The following HHIPL1 variants were observed in gnomAD, a reference collection of about 807,000 sequenced individuals.
HHIPL1 encodes the protein HHIP like 1.
In HHIPL1, 43 loss-of-function variants were observed where a neutral mutation model predicts 61.8. The ratio of observed to expected loss-of-function variants is 0.70; its 90% CI spans 0.55 to 0.90. The LOEUF (loss-of-function observed/expected upper bound fraction) is 0.90, where lower values mean the gene tolerates loss of function less well. HHIPL1 is among the 40% of genes least tolerant of loss of function. The pLI is 0.00. For synonymous variants in HHIPL1, 482 were observed against 515.8 expected (o/e 0.93, Z 0.89); for missense variants, 1,056 against 1,157.7 (o/e 0.91, Z 1.28).
chr14:99,658,179 C>T (rs919776315), intron 3 of HHIPL1, among the ~76,000 whole-genome samples: 8 of 152,190 alleles, frequency 5.3e-5, no homozygotes, highest in Admixed American at 3.3e-4. Context: ...AGCTTTCTCA[C>T]GTTTGGGATG....
At chr14:99,614,434 C>T in the HHIPL1 span, among the ~76,000 whole-genome samples, 56 of 152,206 alleles carry the variant, frequency 3.7e-4, no homozygotes, top group Non-Finnish European at 2.9e-5. Flanking sequence ...GCCCAAGAGG[C>T]AGCTAGCTGG....
the HHIPL1 span, among the ~76,000 whole-genome samples, chr14:99,628,101 C>T: frequency 2.0e-5 from 3 of 152,078 alleles, no homozygotes; most frequent in Non-Finnish European, 2.9e-5. Flanking sequence ...GTGGGAGGAC[C>T]GAGGCCCAGA....
the HHIPL1 span, among the ~76,000 whole-genome samples, chr14:99,610,297 T>C: frequency 1.3e-5 from 2 of 152,218 alleles, no homozygotes; most frequent in African/African-American, 2.4e-5. Context: ...GAGAAGCATA[T>C]GCCTGGGAGC....
the HHIPL1 span, among the ~76,000 whole-genome samples, chr14:99,627,366 A>G: frequency 6.6e-5 from 10 of 151,748 alleles, no homozygotes; most frequent in Middle Eastern, 3.4e-3. The surrounding 1 kb of genome is among the most constrained non-coding windows in gnomAD (Gnocchi z 4.4). Flanking sequence ...CCATCCATCC[A>G]TCCGTCCATC....
In HHIPL1 at chr14:99,659,599, C is replaced by G; in HGVS notation, c.1218C>G (p.Pro406=). Reference sequence around the variant, plus strand: ...GCTGCTCCTTCGACCGTGGCGACCCCTCCTCGGGCACTGGCCGCGGGCGCC... The same window carrying G: ...GCTGCTCCTTCGACCGTGGCGACCCGTCCTCGGGCACTGGCCGCGGGCGCC... The part of the protein sequence containing the change: ...MWRCSFDRGD[P]SSGTGRGRLF... The change falls in exon 4 of 9, where the codon CCC becomes CCG. Residue 406 remains proline (P), a synonymous_variant. Transcript: ENST00000330710. 1 of 1,551,466 alleles carries G rather than the reference C, an allele frequency of 6.4e-7. No individual in the cohort carries two copies. Among genetic ancestry groups the G allele is most frequent in the Non-Finnish European group, 8.7e-7 (1 of 1,151,668 alleles).
At chr14:99,667,919 G>T (rs1364893700) in intron 6 of HHIPL1, among the ~76,000 whole-genome samples, 2 of 152,190 alleles carry the variant, frequency 1.3e-5, no homozygotes, top group Non-Finnish European at 2.9e-5. Context: ...TAGGTGACAG[G>T]GGTGGCGCTG....
chr14:99,652,938 A>G (rs2055964939), intron 2 of HHIPL1, 68 bp downstream of exon 2: 3 of 1,442,440 alleles, frequency 2.1e-6, no homozygotes, highest in South Asian at 2.6e-5. Flanking sequence ...TGACAGGACC[A>G]GTTGGTATCC....
the HHIPL1 span, among the ~76,000 whole-genome samples, chr14:99,620,184 T>C: frequency 2.0e-5 from 3 of 152,242 alleles, no homozygotes; most frequent in African/African-American, 7.2e-5. Context: ...TGGATTTTTC[T>C]CTGTGGAGGT....
At position 99,660,969 on chromosome 14, in the gene HHIPL1, C is replaced by T. The variant is rs114505767; in HGVS notation, c.1502+563C>T. Among the ~76,000 whole-genome samples, 2 of 152,146 alleles carry T rather than the reference C, an allele frequency of 1.3e-5. No homozygotes were observed. The highest frequency in any genetic ancestry group is 6.5e-5 in the Admixed American group (1 of 15,274). The stretch of plus-strand genomic sequence containing the variant: ...AGGTGGGGCTCTTGTGGCCTTGGAG[C>T]CTTGCTGCCCTGCCCCCGTGCTCTA... On this transcript the variant is annotated intron_variant, in intron 5 of 8. Coordinates refer to ENST00000330710, the MANE Select transcript of HHIPL1 (RefSeq NM_001127258.3). The surrounding 1 kb of genome is among the most constrained non-coding windows in gnomAD (Gnocchi z 4.9).
At position 99,659,618 on chromosome 14, in the gene HHIPL1, G is replaced by A. The variant is rs778098930; in HGVS notation, c.1237G>A (p.Gly413Arg). 5.2e-6 allele frequency: 8 copies of A among 1,548,164 alleles called. No individual in the cohort carries two copies. The Admixed American group carries it at 1.1e-4, about 22-fold the overall frequency. ...CGACCCCTCCTCGGGCACTGGCCGC[G>A]GGCGCCTCTTCTGCGGCGACGTGGG... ...RGDPSSGTGR[G>R]RLFCGDVGQN... Residue 413 changes from glycine (G) to arginine (R), a missense_variant, in exon 4 of 9, where the codon GGG becomes AGG. By Grantham distance (125) the Gly-to-Arg change is moderately radical (BLOSUM62 -2). Coordinates refer to ENST00000330710, the MANE Select transcript of HHIPL1 (RefSeq NM_001127258.3).
intron 6 of HHIPL1, among the ~76,000 whole-genome samples, chr14:99,667,889 G>C (rs2056271530): frequency 6.6e-6 from 1 of 152,216 alleles, no homozygotes; most frequent in Admixed American, 6.5e-5. Flanking sequence ...AGGTGTGTGG[G>C]GCTGGGCATG....
intron 1 of HHIPL1, among the ~76,000 whole-genome samples, chr14:99,648,898 G>C (rs2055882627): frequency 6.6e-6 from 1 of 152,222 alleles, no homozygotes; most frequent in African/African-American, 2.4e-5. Flanking sequence ...TGAGTCACGA[G>C]TGTCAGTGAC....
chr14:99,657,159 G>C lies in HHIPL1; in HGVS notation c.1046+16G>C, dbSNP rs749725431. ...CCCAAAACAAGTATGTTCAGCTTTT[G>C]ATTGGCTTGTGGGTTGGTCTCCATA... On this transcript the variant is annotated intron_variant, in intron 3 of 8. Coordinates refer to ENST00000330710, the MANE Select transcript of HHIPL1 (RefSeq NM_001127258.3). 40 of 1,610,784 alleles carry C rather than the reference G, an allele frequency of 2.5e-5. No homozygotes were observed. Among genetic ancestry groups the C allele is most frequent in the Non-Finnish European group, 3.3e-5 (39 of 1,178,910 alleles).
chr14:99,623,616 G>A, the HHIPL1 span, among the ~76,000 whole-genome samples: 4 of 152,066 alleles, frequency 2.6e-5, no homozygotes, highest in Non-Finnish European at 5.9e-5. Flanking sequence ...ATCTTGCTAT[G>A]TTGCCCAGGC....
At chr14:99,637,145 A>T in the HHIPL1 span, among the ~76,000 whole-genome samples, 2 of 119,602 alleles carry the variant, frequency 1.7e-5, no homozygotes, top group African/African-American at 2.9e-5. Flanking sequence ...AGAGAAAGGG[A>T]GGCAGAAAGA....
chr14:99,675,554 C>T lies in HHIPL1; in HGVS notation c.2277C>T (p.Gly759=), dbSNP rs2056381486. 1.3e-6 allele frequency: 2 copies of T among 1,539,252 alleles called. No individual in the cohort carries two copies. Among genetic ancestry groups the T allele is most frequent in the Non-Finnish European group, 8.7e-7 (1 of 1,145,944 alleles). The change falls in exon 9 of 9, where the codon GGC becomes GGT. Residue 759 remains glycine (G), a synonymous_variant. Coordinates refer to ENST00000330710, the MANE Select transcript of HHIPL1 (RefSeq NM_001127258.3). This position sits in a 1 kb window ranked among gnomAD's most constrained non-coding sequence, Gnocchi z 5.4. ...ERNLLECQHN[G]VGTHNCEHDE... is the part of the protein sequence containing the mutation. Reference sequence around the variant, plus strand: ...ACCTGCTGGAGTGCCAGCACAACGGCGTGGGCACCCACAACTGCGAGCACG... The same window carrying T: ...ACCTGCTGGAGTGCCAGCACAACGGTGTGGGCACCCACAACTGCGAGCACG...
At position 99,678,887 on chromosome 14, in the gene HHIPL1, C is replaced by T. The variant is rs113139530; in HGVS notation, c.*3261C>T. The T allele has an allele frequency of 5.9e-5, 9 of 152,158 alleles. No homozygotes were observed. Among genetic ancestry groups the T allele is most frequent in the African/African-American group, 2.2e-4 (9 of 41,428 alleles). 9.4% of individuals were successfully genotyped at this position (152,158 alleles called of 1,614,324 possible). A position where few individuals can be genotyped will look rare whatever the true frequency, so the allele number is the denominator to read the frequency against. On this transcript the variant is annotated 3_prime_UTR_variant, in exon 9 of 9. Coordinates refer to ENST00000330710, the MANE Select transcript of HHIPL1 (RefSeq NM_001127258.3). ...AAGAAACCATTATTTCTAACACTTA[C>T]GATTTATTCTTTAACAAGAAGGGAA...
chr14:99,674,537 C>T (rs2056364008), intron 8 of HHIPL1, among the ~76,000 whole-genome samples: 1 of 152,116 alleles, frequency 6.6e-6, no homozygotes, highest in African/African-American at 2.4e-5. Flanking sequence ...AGAGATTCAC[C>T]CTGACCCCAG....
chr14:99,673,801 A>AG (rs1287865691), intron 8 of HHIPL1, among the ~76,000 whole-genome samples: 1 of 39,814 alleles, frequency 2.5e-5, no homozygotes, highest in South Asian at 1.4e-3. Flanking sequence ...GGTGGCATGG[A>AG]GGGGGGGTGC....
Sources: allele counts gnomAD v4.1 joint callset (sites outside exome capture counted in the v4.1 genomes callset), GRCh38; gene constraint gnomAD v4.1.1; non-coding constraint Gnocchi (gnomAD v3.1); transcripts MANE v1.5; gene names NCBI Gene and HGNC (gene_info 2026-07-23, HGNC 2026-07-21).